Variants in MYO10 observed in about 807,000 individuals in gnomAD.
MYO10 encodes the protein myosin X, also known as unconventional myosin-X.
A neutral mutation model predicts 257.3 loss-of-function variants in MYO10; 133 were observed. That is an observed-to-expected ratio of 0.52 (90% CI 0.45 to 0.60). The LOEUF is 0.60. Among genes scored for constraint, MYO10 ranks in the 20% least tolerant of loss-of-function variants. The probability of loss-of-function intolerance (pLI) is 0.00; values close to 1 mark genes in which losing one functional copy is unlikely to be tolerated. For synonymous variants in MYO10, 1,104 were observed against 1,028.6 expected (o/e 1.07, Z -1.40); for missense variants, 2,399 against 2,635.7 (o/e 0.91, Z 1.97).
At chr5:16,672,096 A>T (rs1423967931) in intron 37 of MYO10, among the ~76,000 whole-genome samples, 1 of 152,138 alleles carries the variant, frequency 6.6e-6, no homozygotes, top group Non-Finnish European at 1.5e-5. Flanking sequence ...GGAGTTTGGG[A>T]CTAGCCTGAC....
rs770025953 is a variant in MYO10, at chr5:16,761,512, T to C, written c.1691A>G (p.Asn564Ser). Reference sequence around the variant, plus strand: ...AAGGTCATCTCGAAATGTATCTCTGTTCTTCTCCAAGATACCTCGGACATC... The same window carrying C: ...AAGGTCATCTCGAAATGTATCTCTGCTCTTCTCCAAGATACCTCGGACATC... ...QYDVRGILEK[N>S]RDTFRDDLLN... Residue 564 changes from asparagine (N) to serine (S), a missense_variant, in exon 17 of 41, where the codon AAC becomes AGC. Coordinates refer to ENST00000513610, the MANE Select transcript of MYO10 (RefSeq NM_012334.3). 1 of 1,613,572 alleles carries C rather than the reference T, an allele frequency of 6.2e-7. No individual in the cohort carries two copies. The highest frequency in any genetic ancestry group is 1.1e-5 in the South Asian group (1 of 91,054).
intron 2 of MYO10, among the ~76,000 whole-genome samples, chr5:16,876,290 A>T (rs1171104255): frequency 6.6e-6 from 1 of 152,186 alleles, no homozygotes; most frequent in Non-Finnish European, 1.5e-5. Flanking sequence ...TTCTCTTATA[A>T]TCATCAGAAT....
chr5:16,833,703 A>G (rs976324902), intron 2 of MYO10, among the ~76,000 whole-genome samples: 4 of 152,132 alleles, frequency 2.6e-5, no homozygotes, highest in Admixed American at 1.3e-4. Context: ...TCCACTCTGC[A>G]CCTCACTGGC....
At chr5:16,911,720 A>T (rs987002719) in intron 1 of MYO10, among the ~76,000 whole-genome samples, 1 of 152,096 alleles carries the variant, frequency 6.6e-6, no homozygotes, top group African/African-American at 2.4e-5. Context: ...TAACTGAGTG[A>T]GATCCTGTCT....
chr5:16,737,041 C>T (rs865797946), intron 19 of MYO10, among the ~76,000 whole-genome samples: 29 of 151,818 alleles, frequency 1.9e-4, no homozygotes, highest in African/African-American at 7.0e-4. Flanking sequence ...GTTATTCAAA[C>T]TTATTATGCA....
chr5:16,722,322 C>T (rs1561209469), intron 19 of MYO10, among the ~76,000 whole-genome samples: 1 of 152,210 alleles, frequency 6.6e-6, no homozygotes, highest in Non-Finnish European at 1.5e-5. Context: ...CAGCTGAATT[C>T]TATGAATGTC....
chr5:16,808,923 G>A (rs1742352406), intron 3 of MYO10, among the ~76,000 whole-genome samples: 1 of 151,948 alleles, frequency 6.6e-6, no homozygotes, highest in Non-Finnish European at 1.5e-5. Flanking sequence ...GCCTGCCTCG[G>A]CCTCCCAAAG....
intron 1 of MYO10, among the ~76,000 whole-genome samples, chr5:16,894,743 G>C (rs1745171743): frequency 6.6e-6 from 1 of 152,176 alleles, no homozygotes; most frequent in Non-Finnish European, 1.5e-5. Context: ...CTTGACACCA[G>C]GAGGACTAAT....
At chr5:16,832,436 C>T (rs1049631182) in intron 2 of MYO10, among the ~76,000 whole-genome samples, 2 of 151,790 alleles carry the variant, frequency 1.3e-5, no homozygotes, top group African/African-American at 4.8e-5. Flanking sequence ...AAAAACAAAA[C>T]AAAAGATCTA....
rs150693074 is a variant in MYO10 at position 16,675,253 on chromosome 5, G to A, written c.4667-103C>T. On this transcript the variant is annotated intron_variant, in intron 34 of 40. Transcript: ENST00000513610. ...AGACAAAGGAATAAATGAGGAGGACGGATGCAATGCCCACCACACTCCCTA... is the reference window on the plus strand; with the variant it reads ...AGACAAAGGAATAAATGAGGAGGACAGATGCAATGCCCACCACACTCCCTA... 6,697 of 1,173,364 alleles carry A rather than the reference G, an allele frequency of 5.7e-3. 35 individuals are homozygous for A. The highest frequency in any genetic ancestry group is 7.0e-3 in the Non-Finnish European group (5,729 of 820,398). 72.7% of individuals were successfully genotyped at this position (1,173,364 alleles called of 1,614,324 possible).
chr5:16,702,396 T>A, intron 24 of MYO10, 147 bp downstream of exon 24: 1 of 749,122 alleles, frequency 1.3e-6, no homozygotes, highest in Non-Finnish European at 2.2e-6. Flanking sequence ...TTGTAATAGG[T>A]CAGAAATTGG....
rs775110074 is a variant in MYO10, at chr5:16,674,835, C to T, written c.4964+18G>A. The T allele has an allele frequency of 4.7e-5, 76 of 1,613,088 alleles. No individual in the cohort carries two copies. The highest frequency in any genetic ancestry group is 4.7e-4 in the African/African-American group (35 of 74,918). On this transcript the variant is annotated intron_variant, in intron 35 of 40. Coordinates refer to ENST00000513610, the MANE Select transcript of MYO10 (RefSeq NM_012334.3). Reference sequence around the variant, plus strand: ...AAGCAGCTCTGCCCAGCTCATCTCCCGTGCCCCCATGCTTTACCTTTTCAG... The same window carrying T: ...AAGCAGCTCTGCCCAGCTCATCTCCTGTGCCCCCATGCTTTACCTTTTCAG...
intron 19 of MYO10, among the ~76,000 whole-genome samples, chr5:16,720,351 C>T (rs919754486): frequency 6.6e-5 from 10 of 152,212 alleles, no homozygotes; most frequent in African/African-American, 2.4e-4. Flanking sequence ...AGACCAACCT[C>T]CACATTGCTA....
chr5:16,778,203 G>T (rs1411472688), intron 9 of MYO10, among the ~76,000 whole-genome samples: 1 of 152,088 alleles, frequency 6.6e-6, no homozygotes, highest in Non-Finnish European at 1.5e-5. Flanking sequence ...TCACAGTGAT[G>T]AAATCTCCTG....
intron 19 of MYO10, among the ~76,000 whole-genome samples, chr5:16,718,176 A>G (rs1238421734): frequency 6.6e-6 from 1 of 152,190 alleles, no homozygotes; most frequent in Non-Finnish European, 1.5e-5. Flanking sequence ...GCTGGGCCTT[A>G]GCTGCCTTCC....
chr5:16,683,840 G>A, intron 30 of MYO10, 40 bp downstream of exon 30: 1 of 1,601,692 alleles, frequency 6.2e-7, no homozygotes, highest in Non-Finnish European at 8.5e-7. Flanking sequence ...ACACACACAG[G>A]TGATGAGCTG....
intron 19 of MYO10, among the ~76,000 whole-genome samples, chr5:16,711,604 A>T (rs1192830689): frequency 2.0e-5 from 3 of 152,060 alleles, no homozygotes; most frequent in Non-Finnish European, 4.4e-5. Flanking sequence ...CAATATGGTG[A>T]AACCCCGTCT....
In MYO10 at chr5:16,671,548, G is replaced by A. The variant is rs1736463111; in HGVS notation, c.5310-6C>T. ...CCTCGGATGTGGCAGCCAGCCTACAGAGAGGAGTCAAGAGAGGCTCAGAAT... is the reference window on the plus strand; with the variant it reads ...CCTCGGATGTGGCAGCCAGCCTACAAAGAGGAGTCAAGAGAGGCTCAGAAT... On this transcript the variant is annotated splice_region_variant and splice_polypyrimidine_tract_variant and intron_variant, in intron 37 of 40. Transcript: ENST00000513610. The A allele has an allele frequency of 2.5e-6, 4 of 1,613,940 alleles. No individual in the cohort carries two copies. Among genetic ancestry groups the A allele is most frequent in the Non-Finnish European group, 3.4e-6 (4 of 1,179,832 alleles).
intron 19 of MYO10, among the ~76,000 whole-genome samples, chr5:16,714,299 A>G (rs1738752969): frequency 6.6e-6 from 1 of 151,526 alleles, no homozygotes; most frequent in Non-Finnish European, 1.5e-5. Context: ...CCCCACAGGA[A>G]AAAAAAAACA....
Sources: gnomAD v4.1 joint callset for allele counts (sites outside exome capture counted in the v4.1 genomes callset) on GRCh38, gnomAD v4.1.1 for gene constraint, MANE v1.5 for transcripts, NCBI Gene and HGNC (gene_info 2026-07-23, HGNC 2026-07-21) for gene names.